The following GARNL3 variants were observed in gnomAD, a reference collection of about 807,000 sequenced individuals.
The protein encoded by GARNL3 is GTPase activating Rap/RanGAP domain like 3.
Under a neutral mutation model 125.0 loss-of-function variants are expected in GARNL3, and 63 were observed. The observed-to-expected ratio is 0.50, with a 90% confidence interval of 0.41 to 0.62. The LOEUF (loss-of-function observed/expected upper bound fraction) is 0.62, where lower values mean the gene tolerates loss of function less well. Ranked by LOEUF, GARNL3 falls within the 20% of genes least tolerant of loss-of-function variation. GARNL3 has a pLI of 0.00. For missense variants in GARNL3, 994 were observed against 1,244.0 expected, an observed-to-expected ratio of 0.80 and a Z score of 3.02; for synonymous variants, 439 against 457.5, an observed-to-expected ratio of 0.96 and a Z score of 0.52.
intron 1 of GARNL3, among the ~76,000 whole-genome samples, chr9:127,224,892 C>G: frequency 1.1e-5 from 1 of 90,550 alleles, no homozygotes; most frequent in South Asian, 4.1e-4. Flanking sequence ...GCGGGAGGGG[C>G]GTTACCGGAG....
At chr9:127,249,169 G>C (rs991733159) in intron 2 of GARNL3, among the ~76,000 whole-genome samples, 1 of 152,158 alleles carries the variant, frequency 6.6e-6, no homozygotes, top group Non-Finnish European at 1.5e-5. Context: ...CAGTTAGAAG[G>C]CCTCTGTAGC....
chr9:127,376,662 T>G (rs775922985), intron 22 of GARNL3, among the ~76,000 whole-genome samples: 58 of 152,268 alleles, frequency 3.8e-4, no homozygotes, highest in Non-Finnish European at 6.8e-4. Flanking sequence ...CAGTACATCT[T>G]TTATTCAGTG....
intron 1 of GARNL3, among the ~76,000 whole-genome samples, chr9:127,232,360 G>C (rs2063033702): frequency 6.6e-6 from 1 of 152,126 alleles, no homozygotes; most frequent in South Asian, 2.1e-4. Flanking sequence ...CCAGGCTGGA[G>C]TACAGTGGCA....
intron 6 of GARNL3, among the ~76,000 whole-genome samples, chr9:127,322,261 C>T (rs2065427833): frequency 6.6e-6 from 1 of 152,138 alleles, no homozygotes; most frequent in South Asian, 2.1e-4. Context: ...CCCACACCAA[C>T]TCTGCTTCCC....
At chr9:127,365,245 T>G (rs1564183032) in intron 21 of GARNL3, 55 bp from the exon 22 acceptor site, 1 of 1,463,520 alleles carries the variant, frequency 6.8e-7, no homozygotes, top group Non-Finnish European at 9.6e-7. Context: ...TGTAAAAGTC[T>G]TTTCACAGGG....
intron 1 of GARNL3, among the ~76,000 whole-genome samples, chr9:127,284,876 C>T (rs1178835283): frequency 2.0e-5 from 3 of 151,810 alleles, no homozygotes; most frequent in Non-Finnish European, 2.9e-5. Context: ...ACTGTGTTGC[C>T]GAGGCTGGAG....
intron 1 of GARNL3, among the ~76,000 whole-genome samples, chr9:127,269,810 G>T (rs2063781959): frequency 7.8e-6 from 1 of 128,622 alleles, no homozygotes; most frequent in African/African-American, 3.0e-5. Context: ...TTGCTGTCAA[G>T]TTGTAGGAGT....
At chr9:127,373,234 A>G (rs976231259) in intron 22 of GARNL3, among the ~76,000 whole-genome samples, 2 of 152,256 alleles carry the variant, frequency 1.3e-5, no homozygotes, top group Non-Finnish European at 2.9e-5. Flanking sequence ...TTCCTAGAGA[A>G]CTGAAAAGAA....
At chr9:127,231,035 CAT>C (rs200926096) in intron 1 of GARNL3, among the ~76,000 whole-genome samples, 121 of 55,820 alleles carry the variant, frequency 2.2e-3, no homozygotes, top group Middle Eastern at 0.023. Flanking sequence ...TGTATATATA[CAT>C]ATATATATAT....
rs1043830272 is a variant in GARNL3, at chr9:127,336,127, G to C, written c.874-1G>C. The C allele has an allele frequency of 1.9e-6, 3 of 1,608,708 alleles. No homozygotes were observed. Among genetic ancestry groups the C allele is most frequent in the Non-Finnish European group, 2.6e-6 (3 of 1,175,446 alleles). The stretch of plus-strand genomic sequence containing the variant: ...AGTGATGTTATTTATGCTCACTACA[G>C]GTGGAAAGGAAACGCCACATTGGAA... On this transcript the variant is annotated splice_acceptor_variant, in intron 10 of 27. Coordinates refer to ENST00000373387, the MANE Select transcript of GARNL3 (RefSeq NM_032293.5). LOFTEE classifies it high-confidence loss of function.
At chr9:127,340,921 C>T (rs1321045351) in intron 13 of GARNL3, among the ~76,000 whole-genome samples, 1 of 152,154 alleles carries the variant, frequency 6.6e-6, no homozygotes, top group Non-Finnish European at 1.5e-5. Context: ...GTTCTAGTCA[C>T]CAGAAACATC....
intron 4 of GARNL3, among the ~76,000 whole-genome samples, chr9:127,317,161 A>AC (rs1194630693): frequency 6.6e-6 from 1 of 152,232 alleles, no homozygotes; most frequent in East Asian, 1.9e-4. Context: ...TGAATCACTT[A>AC]GGCAATTCTT....
At chr9:127,336,073 T>C in intron 10 of GARNL3, 55 bp from the exon 11 acceptor site, 2 of 1,279,960 alleles carry the variant, frequency 1.6e-6, no homozygotes, top group Non-Finnish European at 2.3e-6. Context: ...TTTAACTCTG[T>C]GAATGTGCCA....
At chr9:127,258,423 T>G (rs1359014530) in intron 2 of GARNL3, among the ~76,000 whole-genome samples, 1 of 152,132 alleles carries the variant, frequency 6.6e-6, no homozygotes, top group Non-Finnish European at 1.5e-5. Flanking sequence ...ATGGATTGCT[T>G]GAGCCCAGGA....
At chr9:127,300,606 C>CCACT in intron 2 of GARNL3, 1 of 298,384 alleles carries the variant, frequency 3.4e-6, no homozygotes, top group Non-Finnish European at 6.4e-6. Context: ...AGGCATGCGC[C>CCACT]ACCACGCTTG....
intron 1 of GARNL3, among the ~76,000 whole-genome samples, chr9:127,273,382 A>G (rs2063871723): frequency 6.6e-6 from 1 of 152,236 alleles, no homozygotes; most frequent in South Asian, 2.1e-4. Flanking sequence ...TCAAAAGCAT[A>G]AAGTAGCTCT....
chr9:127,281,851 GTGTC>G (rs1376525293), intron 1 of GARNL3, among the ~76,000 whole-genome samples: 1 of 152,212 alleles, frequency 6.6e-6, no homozygotes, highest in Non-Finnish European at 1.5e-5. Flanking sequence ...GTCTGTGTCT[GTGTC>G]TGTCTGTAAT....
At chr9:127,268,704 A>G (rs2063755660) in intron 1 of GARNL3, among the ~76,000 whole-genome samples, 1 of 152,216 alleles carries the variant, frequency 6.6e-6, no homozygotes, top group Non-Finnish European at 1.5e-5. Flanking sequence ...GAAACTCTTT[A>G]TCAATTAAAC....
intron 2 of GARNL3, 52 bp from the exon 3 acceptor site, chr9:127,311,584 A>G: frequency 2.4e-6 from 3 of 1,244,870 alleles, no homozygotes; most frequent in East Asian, 2.3e-5. Context: ...TGCCAGGTTC[A>G]TGTTTACTTT....
Sources: allele counts gnomAD v4.1 joint callset (sites outside exome capture counted in the v4.1 genomes callset), GRCh38; gene constraint gnomAD v4.1.1; transcripts MANE v1.5; gene names NCBI Gene and HGNC (gene_info 2026-07-23, HGNC 2026-07-21).